The following RANBP10 variants were observed in gnomAD, a reference collection of about 807,000 sequenced individuals.
RANBP10 encodes RAN binding protein 10, also known as ran-binding protein 10.
Under a neutral mutation model 72.8 loss-of-function variants are expected in RANBP10, and 24 were observed. The observed-to-expected ratio is 0.33, with a 90% CI of 0.24 to 0.46. The LOEUF (loss-of-function observed/expected upper bound fraction) is 0.46. Ranked by LOEUF, RANBP10 falls within the 20% of genes least tolerant of loss-of-function variation. The probability of loss-of-function intolerance (pLI) is 1.00; values close to 1 mark genes in which losing one functional copy is unlikely to be tolerated. For synonymous variants in RANBP10, 310 were observed against 322.3 expected (o/e 0.96, Z 0.41); for missense variants, 679 against 817.5 (o/e 0.83, Z 2.07).
intron 2 of RANBP10, among the ~76,000 whole-genome samples, chr16:67,796,100 TA>T (rs2055129557): frequency 6.6e-6 from 1 of 151,750 alleles, no homozygotes; most frequent in Non-Finnish European, 1.5e-5. Context: ...TTACTTTTAG[TA>T]GAGACAGGGT....
chr16:67,778,441 A>AT (rs2054750140), intron 2 of RANBP10, among the ~76,000 whole-genome samples: 1 of 152,198 alleles, frequency 6.6e-6, no homozygotes, highest in Non-Finnish European at 1.5e-5. Context: ...AAGAGCTAAA[A>AT]CTTCAACTCT....
intron 2 of RANBP10, among the ~76,000 whole-genome samples, chr16:67,798,306 C>G (rs992527983): frequency 8.5e-5 from 13 of 152,222 alleles, no homozygotes; most frequent in African/African-American, 3.1e-4. Context: ...ATATGAGCAC[C>G]AAAGTTCTCA....
At chr16:67,736,680 A>G (rs1044036152) in intron 5 of RANBP10, among the ~76,000 whole-genome samples, 2 of 152,138 alleles carry the variant, frequency 1.3e-5, no homozygotes, top group African/African-American at 2.4e-5. Context: ...CATACTGGCC[A>G]TGCTCATGCC....
chr16:67,775,654 A>G (rs539578705), intron 2 of RANBP10, among the ~76,000 whole-genome samples: 10 of 152,024 alleles, frequency 6.6e-5, no homozygotes, highest in Non-Finnish European at 1.3e-4. Context: ...CTCTACAAAA[A>G]ATTAGGTGGG....
intron 3 of RANBP10, among the ~76,000 whole-genome samples, chr16:67,771,550 G>A (rs779188542): frequency 1.2e-3 from 177 of 152,130 alleles, no homozygotes; most frequent in Non-Finnish European, 1.4e-3. Flanking sequence ...TCACCATGTT[G>A]GCCAGGCTGG....
intron 3 of RANBP10, among the ~76,000 whole-genome samples, chr16:67,749,877 G>A (rs1597856171): frequency 6.6e-6 from 1 of 152,136 alleles, no homozygotes; most frequent in African/African-American, 2.4e-5. Context: ...TCCAGGTCTA[G>A]CTCAGACTGT....
In RANBP10 at chr16:67,806,482, A is replaced by T. The variant is rs1330815010; in HGVS notation, c.55T>A (p.Ser19Thr). ...GAGNPQPGDS[S>T]GGGAGGGLPS... Reference sequence around the variant, plus strand: ...AGCCCGCCCCCAGCGCCCCCGCCGGAGGAGTCCCCAGGCTGCGGGTTCCCA... The same window carrying T: ...AGCCCGCCCCCAGCGCCCCCGCCGGTGGAGTCCCCAGGCTGCGGGTTCCCA... Residue 19 changes from serine to threonine, a missense_variant, in exon 1 of 14, where the codon TCC (serine) becomes ACC (threonine). Physicochemically the swap from Ser to Thr is moderately conservative, Grantham distance 58. Transcript: ENST00000317506. 1 of 1,545,152 alleles carries T rather than the reference A, an allele frequency of 6.5e-7. No homozygotes were observed. The highest frequency in any genetic ancestry group is 1.4e-5 in the African/African-American group (1 of 72,824).
chr16:67,766,345 T>C (rs572533052), intron 3 of RANBP10, among the ~76,000 whole-genome samples: 27 of 152,318 alleles, frequency 1.8e-4, no homozygotes, highest in African/African-American at 6.5e-4. Flanking sequence ...AACCCAGTAC[T>C]GCAATGAATA....
intron 4 of RANBP10, among the ~76,000 whole-genome samples, chr16:67,741,207 G>A (rs1212510880): frequency 1.3e-5 from 2 of 152,194 alleles, no homozygotes; most frequent in African/African-American, 2.4e-5. Context: ...AGTCAGCTGT[G>A]GTAATGCCAC....
chr16:67,780,396 C>A (rs1167901244), intron 2 of RANBP10, among the ~76,000 whole-genome samples: 1 of 152,128 alleles, frequency 6.6e-6, no homozygotes, highest in East Asian at 1.9e-4. Flanking sequence ...GCTGTGCATG[C>A]ACAGCCTGCA....
chr16:67,805,501 C>G lies in RANBP10; in HGVS notation c.274G>C (p.Ala92Pro), dbSNP rs1299006004. Residue 92 changes from alanine (A) to proline (P), a missense_variant, in exon 2 of 14, where the codon GCC becomes CCC. Physicochemically the swap from Ala to Pro is conservative, Grantham distance 27 (BLOSUM62 -1). Transcript: ENST00000317506. ...CAGGCAGCAGGTATGGGGTGGGTGG[C>G]ACGCACTGAGGCCGCATCTTTGTGA... ...KNHKDAASVR[A>P]THPIPAACGI... is the part of the protein sequence containing the mutation. The G allele has an allele frequency of 1.9e-6, 3 of 1,613,998 alleles. No individual in the cohort carries two copies. Among genetic ancestry groups the G allele is most frequent in the Non-Finnish European group, 2.5e-6 (3 of 1,180,012 alleles).
At chr16:67,789,232 C>T (rs1309404174) in intron 2 of RANBP10, among the ~76,000 whole-genome samples, 1 of 150,126 alleles carries the variant, frequency 6.7e-6, no homozygotes, top group East Asian at 2.0e-4. Flanking sequence ...ATAGCTTGAA[C>T]CTGGGAGGTA....
intron 2 of RANBP10, among the ~76,000 whole-genome samples, chr16:67,778,439 A>C (rs1458271777): frequency 6.6e-6 from 1 of 152,226 alleles, no homozygotes; most frequent in Non-Finnish European, 1.5e-5. Context: ...ATAAGAGCTA[A>C]AACTTCAACT....
At chr16:67,803,905 T>C (rs182344229) in intron 2 of RANBP10, among the ~76,000 whole-genome samples, 376 of 145,354 alleles carry the variant, frequency 2.6e-3, no homozygotes, top group African/African-American at 8.7e-3. Flanking sequence ...TTCAGAGGCA[T>C]AGAATTCTGG....
chr16:67,765,002 A>C (rs2054469837), intron 3 of RANBP10, among the ~76,000 whole-genome samples: 1 of 152,246 alleles, frequency 6.6e-6, no homozygotes, highest in Admixed American at 6.5e-5. Context: ...ACGAGAAGCA[A>C]AAACAAGAAC....
intron 13 of RANBP10, 38 bp downstream of exon 13, chr16:67,727,289 C>A (rs368489388): frequency 6.4e-7 from 1 of 1,567,696 alleles, no homozygotes; most frequent in African/African-American, 1.4e-5. Flanking sequence ...ACAGAGCAGA[C>A]TCTGTCTCTA....
chr16:67,783,482 A>C (rs765317278), intron 2 of RANBP10, among the ~76,000 whole-genome samples: 1 of 152,188 alleles, frequency 6.6e-6, no homozygotes, highest in Non-Finnish European at 1.5e-5. Flanking sequence ...ACTTCACAGC[A>C]GGGCTCCAAA....
At chr16:67,757,616 C>A (rs540389442) in intron 3 of RANBP10, among the ~76,000 whole-genome samples, 1 of 152,288 alleles carries the variant, frequency 6.6e-6, no homozygotes, top group African/African-American at 2.4e-5. Context: ...GATGCTGTCC[C>A]CATAACCTCA....
At chr16:67,749,553 G>A (rs2054154485) in intron 3 of RANBP10, among the ~76,000 whole-genome samples, 1 of 152,230 alleles carries the variant, frequency 6.6e-6, no homozygotes, top group Admixed American at 6.5e-5. Flanking sequence ...GCCTGGCTCA[G>A]GGAACATGTT....
Sources: allele counts gnomAD v4.1 joint callset (sites outside exome capture counted in the v4.1 genomes callset), GRCh38; gene constraint gnomAD v4.1.1; transcripts MANE v1.5; gene names NCBI Gene and HGNC (gene_info 2026-07-23, HGNC 2026-07-21).